Variants in LRRC20 observed in about 807,000 individuals in gnomAD.
LRRC20 encodes the protein leucine-rich repeat-containing protein 20.
LRRC20 carries 11 observed loss-of-function variants against 14.4 expected under a neutral mutation model. The ratio of observed to expected loss-of-function variants is 0.77; its 90% CI spans 0.48 to 1.27. The LOEUF (loss-of-function observed/expected upper bound fraction) is 1.27. Ranked by LOEUF, LRRC20 falls within the 50% of genes most tolerant of loss-of-function variation. LRRC20 has a pLI of 0.00. For missense variants in LRRC20, 219 were observed against 251.2 expected (o/e 0.87, Z 0.87); for synonymous variants, 121 against 107.3 (o/e 1.13, Z -0.79).
At chr10:70,355,547 G>C (rs996246365) in intron 2 of LRRC20, among the ~76,000 whole-genome samples, 5 of 152,160 alleles carry the variant, frequency 3.3e-5, no homozygotes, top group African/African-American at 4.8e-5. Flanking sequence ...ACTTCGGGAA[G>C]GCGCGTCTTC....
chr10:70,353,040 T>C (rs1190341543), intron 2 of LRRC20, among the ~76,000 whole-genome samples: 1 of 152,176 alleles, frequency 6.6e-6, no homozygotes, highest in Non-Finnish European at 1.5e-5. Context: ...TAGCTCAGAC[T>C]CTGGCCTGGC....
intron 2 of LRRC20, among the ~76,000 whole-genome samples, chr10:70,351,041 C>G (rs371536487): frequency 6.6e-6 from 1 of 152,106 alleles, no homozygotes; most frequent in Non-Finnish European, 1.5e-5. Flanking sequence ...ATTAGCCAGT[C>G]ATGGTGGTGC....
In LRRC20 at chr10:70,370,043, A is replaced by G. The variant is rs535808809; in HGVS notation, c.82+6409T>C. Among the ~76,000 whole-genome samples, 7 of 152,266 alleles carry G rather than the reference A, an allele frequency of 4.6e-5. No individual in the cohort carries two copies. The East Asian group carries it at 1.4e-3, about 29-fold the overall frequency. ...AATGAGCCAAATCTACTACTTGATA[A>G]TAAAAAATAATAAAATAATAAAAAT... On this transcript the variant is annotated intron_variant, in intron 2 of 4. Transcript: ENST00000446961.
At chr10:70,362,705 C>A (rs1382656797) in intron 2 of LRRC20, among the ~76,000 whole-genome samples, 2 of 151,630 alleles carry the variant, frequency 1.3e-5, no homozygotes, top group African/African-American at 4.8e-5. Context: ...ACAGACATGA[C>A]CTCCCAGAGC....
intron 3 of LRRC20, among the ~76,000 whole-genome samples, chr10:70,329,606 G>A (rs1490758146): frequency 7.6e-5 from 11 of 144,968 alleles, no homozygotes; most frequent in Non-Finnish European, 4.5e-5. Context: ...CTGTCCCCCA[G>A]ACTGGAGTGC....
chr10:70,367,238 C>T (rs551303025), intron 2 of LRRC20, among the ~76,000 whole-genome samples: 27 of 146,784 alleles, frequency 1.8e-4, no homozygotes, highest in Admixed American at 1.2e-3. Context: ...GGTGGGAGGA[C>T]GCTTGAGCCC....
In LRRC20 at chr10:70,323,919, T is replaced by A; in HGVS notation, c.344A>T (p.Gln115Leu). 1 of 1,614,202 alleles carries A rather than the reference T, an allele frequency of 6.2e-7. No homozygotes were observed. The highest frequency in any genetic ancestry group is 8.5e-7 in the Non-Finnish European group (1 of 1,180,040). ...SRNQFQDFPE[Q>L]LTALPALETI... Reference sequence around the variant, plus strand: ...CTCCAGCGCCGGCAGGGCGGTAAGCTGCTCAGGGAAGTCCTGGAACTGGTT... The same window carrying A: ...CTCCAGCGCCGGCAGGGCGGTAAGCAGCTCAGGGAAGTCCTGGAACTGGTT... The change falls in exon 4 of 5, where the codon CAG (glutamine) becomes CTG (leucine). Residue 115 changes from glutamine (Q) to leucine (L), a missense_variant. Transcript: ENST00000446961.
intron 2 of LRRC20, among the ~76,000 whole-genome samples, chr10:70,359,704 T>C (rs1348983511): frequency 6.6e-6 from 1 of 152,230 alleles, no homozygotes; most frequent in Non-Finnish European, 1.5e-5. Context: ...TATTATTCCC[T>C]GCAACTCCCT....
chr10:70,310,448 C>T (rs905368624), intron 4 of LRRC20, among the ~76,000 whole-genome samples: 4 of 152,224 alleles, frequency 2.6e-5, no homozygotes, highest in Non-Finnish European at 5.9e-5. Context: ...CTCACCACGT[C>T]CTGCTGCTCC....
intron 2 of LRRC20, among the ~76,000 whole-genome samples, chr10:70,352,880 G>A (rs1262646744): frequency 6.6e-6 from 1 of 152,112 alleles, no homozygotes. Context: ...CTTGCGAAAC[G>A]GAAACTCTTT....
At chr10:70,341,676 G>C (rs184315987) in intron 2 of LRRC20, among the ~76,000 whole-genome samples, 2 of 152,288 alleles carry the variant, frequency 1.3e-5, no homozygotes, top group Non-Finnish European at 2.9e-5. Context: ...GCTGAGGCAC[G>C]AGAATCACTT....
At chr10:70,313,888 G>A (rs1457198168) in intron 4 of LRRC20, among the ~76,000 whole-genome samples, 1 of 152,172 alleles carries the variant, frequency 6.6e-6, no homozygotes, top group Non-Finnish European at 1.5e-5. Context: ...ACCTGGACCG[G>A]TATATTAGTC....
chr10:70,355,803 A>C (rs1232370245), intron 2 of LRRC20, among the ~76,000 whole-genome samples: 1 of 152,162 alleles, frequency 6.6e-6, no homozygotes, highest in Non-Finnish European at 1.5e-5. Flanking sequence ...GGACATAGGG[A>C]ACAGAGCTAA....
chr10:70,360,796 A>G (rs1412168710), intron 2 of LRRC20, among the ~76,000 whole-genome samples: 9 of 152,138 alleles, frequency 5.9e-5, no homozygotes, highest in African/African-American at 1.4e-4. Flanking sequence ...GTCTCACATG[A>G]AAGTTGTCAA....
chr10:70,336,323 C>A (rs910326706), intron 3 of LRRC20, among the ~76,000 whole-genome samples: 3 of 152,122 alleles, frequency 2.0e-5, no homozygotes, highest in Non-Finnish European at 4.4e-5. Context: ...AATATAAAAA[C>A]AGAACTCCAC....
At chr10:70,357,984 C>G (rs1055464436) in intron 2 of LRRC20, among the ~76,000 whole-genome samples, 13 of 152,236 alleles carry the variant, frequency 8.5e-5, no homozygotes, top group Non-Finnish European at 1.8e-4. Flanking sequence ...AAGCATCAAT[C>G]AGTCCCTTTT....
intron 4 of LRRC20, among the ~76,000 whole-genome samples, chr10:70,313,431 C>G (rs1052077559): frequency 3.3e-5 from 5 of 152,098 alleles, no homozygotes; most frequent in African/African-American, 9.7e-5. Flanking sequence ...CTCAGAAGTT[C>G]TGGCCTAGCT....
rs147809706 is a variant in LRRC20, at chr10:70,334,757, G to T, written c.232+5796C>A. 4.9e-3 allele frequency among the ~76,000 whole-genome samples: 739 copies of T among 152,306 alleles called. 7 individuals are homozygous for T. The highest frequency in any genetic ancestry group is 0.017 in the African/African-American group (705 of 41,562). On this transcript the variant is annotated intron_variant, in intron 3 of 4. Transcript: ENST00000446961. ...GCATGTAGGGCCCTTGGAGCAGGAA[G>T]ACCACTCCCCAAAGTGTGCAGAGAG...
chr10:70,372,363 G>A (rs1035846220), intron 2 of LRRC20, among the ~76,000 whole-genome samples: 17 of 150,922 alleles, frequency 1.1e-4, no homozygotes, highest in Admixed American at 6.6e-4. Flanking sequence ...AACATAATTC[G>A]TACCTTACCC....
Sources: gnomAD v4.1 joint callset for allele counts (sites outside exome capture counted in the v4.1 genomes callset) on GRCh38, gnomAD v4.1.1 for gene constraint, MANE v1.5 for transcripts, NCBI Gene and HGNC (gene_info 2026-07-23, HGNC 2026-07-21) for gene names.